The following KLHL1 variants were observed in gnomAD, a reference collection of about 807,000 sequenced individuals.
KLHL1 encodes the protein kelch-like protein 1.
In KLHL1, 47 loss-of-function variants were observed where a neutral mutation model predicts 77.7. The observed-to-expected ratio is 0.60, with a 90% CI of 0.48 to 0.77. The LOEUF is 0.77. KLHL1 is among the 30% of genes least tolerant of loss of function. The pLI, the probability that KLHL1 is intolerant of heterozygous loss-of-function variation, is 0.00. For missense variants in KLHL1, 925 were observed against 910.8 expected (o/e 1.02, Z -0.20); for synonymous variants, 360 against 325.2 (o/e 1.11, Z -1.15).
intron 7 of KLHL1, among the ~76,000 whole-genome samples, chr13:69,768,422 C>T (rs1251641072): frequency 1.3e-5 from 2 of 151,924 alleles, no homozygotes; most frequent in Non-Finnish European, 2.9e-5. Flanking sequence ...GTGAACAAAG[C>T]ATGGAGGAAT....
intron 5 of KLHL1, among the ~76,000 whole-genome samples, chr13:69,862,739 G>A (rs995576660): frequency 2.6e-5 from 4 of 152,046 alleles, no homozygotes; most frequent in Admixed American, 2.6e-4. Flanking sequence ...AAGAGGAAGA[G>A]AGAGATCTCT....
At chr13:69,828,066 GA>G in intron 6 of KLHL1, among the ~76,000 whole-genome samples, 8 of 150,424 alleles carry the variant, frequency 5.3e-5, no homozygotes, top group Admixed American at 5.3e-4. Context: ...TGGATGGACA[GA>G]ACAGCATGAG....
At position 69,734,175 on chromosome 13, in the gene KLHL1, G is replaced by C. The variant is rs568461681; in HGVS notation, c.1802+6219C>G. On this transcript the variant is annotated intron_variant, in intron 8 of 10. Coordinates refer to ENST00000377844, the MANE Select transcript of KLHL1 (RefSeq NM_020866.3). ...TCCTTACAATAATGAGTGAGTGCTC[G>C]TGAGATCTGGTTGTTTAAAAGTGTG... Among the ~76,000 whole-genome samples the C allele has an allele frequency of 2.5e-3, 388 of 152,202 alleles. 1 individual carries two copies. Among genetic ancestry groups the C allele is most frequent in the Non-Finnish European group, 4.6e-3 (311 of 68,000 alleles).
intron 9 of KLHL1, among the ~76,000 whole-genome samples, 158 bp downstream of exon 9, chr13:69,719,209 TGA>T (rs1555300511): frequency 0.038 from 1,392 of 36,836 alleles, 25 homozygotes; most frequent in Non-Finnish European, 0.051. Context: ...TGTGTGTGTG[TGA>T]GAGAGAGAGA....
chr13:69,905,281 T>C (rs2138234079), intron 4 of KLHL1, among the ~76,000 whole-genome samples: 1 of 152,246 alleles, frequency 6.6e-6, no homozygotes, highest in East Asian at 1.9e-4. Context: ...AGAAGTGCTC[T>C]TTGAATTTTA....
intron 7 of KLHL1, among the ~76,000 whole-genome samples, chr13:69,795,134 C>T (rs1033644447): frequency 5.3e-5 from 8 of 152,078 alleles, no homozygotes; most frequent in Non-Finnish European, 1.2e-4. Context: ...TATCTTGTGC[C>T]CCCATCAACC....
chr13:69,941,399 AATG>A (rs1469363084), intron 3 of KLHL1, among the ~76,000 whole-genome samples: 1 of 152,112 alleles, frequency 6.6e-6, no homozygotes, highest in Non-Finnish European at 1.5e-5. Context: ...CTTTGATCTG[AATG>A]ATAATAGTGA....
chr13:70,093,252 T>G (rs1026087096), intron 1 of KLHL1, among the ~76,000 whole-genome samples: 1 of 151,884 alleles, frequency 6.6e-6, no homozygotes, highest in Non-Finnish European at 1.5e-5. Flanking sequence ...AATAGGAAAA[T>G]CAAGAACCCA....
At chr13:69,976,536 T>C (rs974267357) in intron 1 of KLHL1, among the ~76,000 whole-genome samples, 3 of 152,074 alleles carry the variant, frequency 2.0e-5, no homozygotes, top group East Asian at 1.9e-4. Context: ...GGGAAGACTG[T>C]TAATATTCAA....
chr13:69,775,620 CT>C (rs1875788363), intron 7 of KLHL1, among the ~76,000 whole-genome samples: 2 of 151,922 alleles, frequency 1.3e-5, no homozygotes, highest in African/African-American at 4.8e-5. Context: ...AAAATATTAT[CT>C]TTTGTTTTAC....
chr13:69,781,285 CTTTTTTT>C lies in KLHL1; in HGVS notation c.1639+15446_1639+15452del, dbSNP rs869083780. On this transcript the variant is annotated intron_variant, in intron 7 of 10. Coordinates refer to ENST00000377844, the MANE Select transcript of KLHL1 (RefSeq NM_020866.3). Reference sequence around the variant, plus strand: ...TCTTGAGAGACTCCTTTTTTTCTTTCTTTTTTTTTTTTTTTTTTTTGTCAAATATCAA... The same window carrying C: ...TCTTGAGAGACTCCTTTTTTTCTTTCTTTTTTTTTTTTTGTCAAATATCAA... 5.6e-3 allele frequency among the ~76,000 whole-genome samples: 666 copies of C among 119,706 alleles called. 2 individuals are homozygous for C. Among genetic ancestry groups the C allele is most frequent in the Non-Finnish European group, 6.9e-3 (411 of 59,506 alleles). 78.5% of individuals were successfully genotyped at this position (119,706 alleles called of 152,430 possible).
At chr13:69,915,040 T>C (rs568964311) in intron 4 of KLHL1, among the ~76,000 whole-genome samples, 104 of 152,242 alleles carry the variant, frequency 6.8e-4, no homozygotes, top group Non-Finnish European at 1.1e-3. Flanking sequence ...GGACTTATGG[T>C]ACTGCTCATT....
rs1478089707 is a variant in KLHL1 at position 69,702,995 on chromosome 13, TAA to T, written c.2188-1236_2188-1235del. On this transcript the variant is annotated intron_variant, in intron 10 of 10. Transcript: ENST00000377844. Reference sequence around the variant, plus strand: ...CCCACAGCATCAATGTATGCAAACCTAAGTTTACCTGACTCCAAAATGCATGT... The same window carrying T: ...CCCACAGCATCAATGTATGCAAACCTGTTTACCTGACTCCAAAATGCATGT... 2.0e-5 allele frequency among the ~76,000 whole-genome samples: 3 copies of T among 151,696 alleles called. No individual in the cohort carries two copies. The East Asian group carries it at 5.8e-4, about 29-fold the overall frequency.
At chr13:70,086,500 T>C (rs1006156556) in intron 1 of KLHL1, among the ~76,000 whole-genome samples, 14 of 143,902 alleles carry the variant, frequency 9.7e-5, no homozygotes, top group African/African-American at 2.8e-4. Context: ...AGAATCTCTT[T>C]AGGCGGAGGT....
At chr13:70,010,181 T>C (rs1188646947) in intron 1 of KLHL1, among the ~76,000 whole-genome samples, 1 of 152,120 alleles carries the variant, frequency 6.6e-6, no homozygotes, top group Admixed American at 6.5e-5. Context: ...TAGGCCTAGG[T>C]AAGAATTTGA....
At chr13:69,840,680 AACTT>A (rs1879212695) in intron 5 of KLHL1, among the ~76,000 whole-genome samples, 1 of 145,926 alleles carries the variant, frequency 6.9e-6, no homozygotes, top group African/African-American at 2.6e-5. Context: ...TTTGAACATT[AACTT>A]TATATATATA....
chr13:69,856,433 T>A (rs1879923369), intron 5 of KLHL1, among the ~76,000 whole-genome samples: 1 of 152,074 alleles, frequency 6.6e-6, no homozygotes, highest in African/African-American at 2.4e-5. Context: ...TCTTTTGCTC[T>A]GATCCAGGAG....
intron 4 of KLHL1, among the ~76,000 whole-genome samples, chr13:69,898,046 G>A (rs1881711765): frequency 6.6e-6 from 1 of 152,164 alleles, no homozygotes; most frequent in South Asian, 2.1e-4. Context: ...GCAAAGAAGT[G>A]GTCATTGGGT....
At position 70,079,324 on chromosome 13, in the gene KLHL1, A is replaced by T. The variant is rs139949007; in HGVS notation, c.497+27879T>A. 3.3e-5 allele frequency among the ~76,000 whole-genome samples: 5 copies of T among 152,218 alleles called. No individual in the cohort carries two copies. The South Asian group carries it at 1.0e-3, about 32-fold the overall frequency. On this transcript the variant is annotated intron_variant, in intron 1 of 10. Transcript: ENST00000377844. The stretch of plus-strand genomic sequence containing the variant: ...AAATCTCCCAGCATGGCATTTACCA[A>T]TTGTTACAGTTCAAAGTTCCCCAGG...
Sources: gnomAD v4.1 joint callset for allele counts (sites outside exome capture counted in the v4.1 genomes callset) on GRCh38, gnomAD v4.1.1 for gene constraint, MANE v1.5 for transcripts, NCBI Gene and HGNC (gene_info 2026-07-23, HGNC 2026-07-21) for gene names.